The following ACAD8 variants were observed in gnomAD, a reference collection of about 807,000 sequenced individuals.
ACAD8 encodes the protein isobutyryl-CoA dehydrogenase, mitochondrial.
In ACAD8, 47 loss-of-function variants were observed where a neutral mutation model predicts 53.1. The observed-to-expected ratio is 0.89, with a 90% CI of 0.70 to 1.13. The LOEUF is 1.13. ACAD8 is among the 50% of genes most tolerant of loss of function. The pLI is 0.00. For synonymous variants in ACAD8, 198 were observed against 201.3 expected (o/e 0.98, Z 0.14); for missense variants, 494 against 535.0 (o/e 0.92, Z 0.76).
Position 134,261,667 on chromosome 11 carries a change from C to G in ACAD8, c.940-71C>G, listed in dbSNP as rs773514184. On this transcript the variant is annotated intron_variant, in intron 8 of 10. Transcript: ENST00000281182. The surrounding 1 kb of genome is among the most constrained non-coding windows in gnomAD (Gnocchi z 4.2). Reference sequence around the variant, plus strand: ...GAAAAGGCGCCTCCGAGATGTCTTACCGAGGCTCCTGCACCAGGTGCTGGT... The same window carrying G: ...GAAAAGGCGCCTCCGAGATGTCTTAGCGAGGCTCCTGCACCAGGTGCTGGT... 4 of 1,605,838 alleles carry G rather than the reference C, an allele frequency of 2.5e-6. No individual in the cohort carries two copies. The highest frequency in any genetic ancestry group is 3.4e-6 in the Non-Finnish European group (4 of 1,179,546).
chr11:134,262,496 C>T lies in ACAD8; in HGVS notation c.1093-24C>T, dbSNP rs375799558. On this transcript the variant is annotated intron_variant, in intron 9 of 10. Transcript: ENST00000281182. ...TCCACAGTCTTCCCAGAGTCCAAGA[C>T]GTCTAGTCCCTGTCTCCCTGCAGAT... 365 of 1,541,806 alleles carry T rather than the reference C, an allele frequency of 2.4e-4. No individual in the cohort carries two copies. Among genetic ancestry groups the T allele is most frequent in the Non-Finnish European group, 1.3e-4 (142 of 1,116,512 alleles).
chr11:134,262,280 A>G (rs1395473126), intron 9 of ACAD8: 12 of 658,780 alleles, frequency 1.8e-5, no homozygotes, highest in Non-Finnish European at 3.1e-5. Context: ...CTGGCAGGTA[A>G]TAAGGGAGAG....
At position 134,265,748 on chromosome 11, in the gene ACAD8, C is replaced by G. The variant is rs1182853178; in HGVS notation, c.*788C>G. 6.6e-6 allele frequency: 1 copy of G among 152,156 alleles called. No homozygotes were observed. Among genetic ancestry groups the G allele is most frequent in the East Asian group, 1.9e-4 (1 of 5,204 alleles). The allele number at this position is 152,156 out of a possible 1,614,324, so 9.4% of individuals were successfully genotyped here. ...TGATAAAATCTATCCTTCACCACCTCTGGTTCTACTATAGTTGATTTTTAT... is the reference window on the plus strand; with the variant it reads ...TGATAAAATCTATCCTTCACCACCTGTGGTTCTACTATAGTTGATTTTTAT... On this transcript the variant is annotated 3_prime_UTR_variant, in exon 11 of 11. Transcript: ENST00000281182.
intron 10 of ACAD8, chr11:134,264,157 C>T: frequency 1.6e-6 from 1 of 614,306 alleles, no homozygotes; most frequent in Non-Finnish European, 2.0e-6. Flanking sequence ...CCAGCTTGGC[C>T]AACCCGGTGA....
Position 134,264,954 on chromosome 11 carries a change from G to A in ACAD8, c.1242G>A (p.Gln414=). 6.2e-7 allele frequency: 1 copy of A among 1,614,200 alleles called. No individual in the cohort carries two copies. The highest frequency in any genetic ancestry group is 8.5e-7 in the Non-Finnish European group (1 of 1,180,012). The change falls in exon 11 of 11, where the codon CAG becomes CAA. Residue 414 remains glutamine, a synonymous_variant. Coordinates refer to ENST00000281182, the MANE Select transcript of ACAD8 (RefSeq NM_014384.3). ...TACTGATCTCTAGAAGCCTGCTTCA[G>A]GAGTAGAACCCACACTTGTTCTGGC... is the stretch of plus-strand genomic sequence containing the variant. ...MRILISRSLL[Q]E is the part of the protein sequence containing the mutation.
Position 134,259,631 on chromosome 11 carries a change from G to A in ACAD8, c.591G>A (p.Glu197=). The stretch of plus-strand genomic sequence containing the variant: ...AGGCCTTCATCAGTGGTGCTGGTGA[G>A]TCAGACATCTATGTGGTCATGTGCC... ...GSKAFISGAG[E]SDIYVVMCRT... is the part of the protein sequence containing the mutation. The change falls in exon 6 of 11, where the codon GAG becomes GAA. Residue 197 remains glutamate (E), a synonymous_variant. Transcript: ENST00000281182. 1 of 1,614,220 alleles carries A rather than the reference G, an allele frequency of 6.2e-7. No homozygotes were observed. Among genetic ancestry groups the A allele is most frequent in the South Asian group, 1.1e-5 (1 of 91,086 alleles).
At position 134,261,305 on chromosome 11, in the gene ACAD8, C is replaced by G; in HGVS notation, c.872C>G (p.Ser291Cys). 1 of 1,614,204 alleles carries G rather than the reference C, an allele frequency of 6.2e-7. No individual in the cohort carries two copies. The highest frequency in any genetic ancestry group is 8.5e-7 in the Non-Finnish European group (1 of 1,180,044). ...TGCTCCCTGGGGGCTGCCCACGCCT[C>G]TGTCATCCTCACCCGAGACCACCTC... ...ASCSLGAAHA[S>C]VILTRDHLNV... Residue 291 changes from serine (S) to cysteine (C), a missense_variant, in exon 8 of 11, where the codon TCT (serine) becomes TGT (cysteine). Physicochemically the swap from Ser to Cys is moderately radical, Grantham distance 112 (BLOSUM62 -1). Transcript: ENST00000281182. This position sits in a 1 kb window ranked among gnomAD's most constrained non-coding sequence, Gnocchi z 4.2.
At chr11:134,264,035 T>C (rs1367013128) in intron 10 of ACAD8, 1 of 985,152 alleles carries the variant, frequency 1.0e-6, no homozygotes, top group Non-Finnish European at 1.2e-6. Context: ...GTATTTATTG[T>C]TGAAACCTTA....
intron 3 of ACAD8, 119 bp from the exon 4 acceptor site, chr11:134,258,396 C>T (rs997267059): frequency 1.4e-5 from 10 of 729,942 alleles, no homozygotes; most frequent in Non-Finnish European, 2.2e-5. Flanking sequence ...TCTCCCCTTC[C>T]CACTCTTCTG....
At chr11:134,263,503 C>T in intron 10 of ACAD8, 4 of 985,590 alleles carry the variant, frequency 4.1e-6, no homozygotes, top group Non-Finnish European at 3.6e-6. Flanking sequence ...CTGAGAACCA[C>T]ACTTTGAGAC....
At position 134,261,214 on chromosome 11, in the gene ACAD8, G is replaced by A. The variant is rs973890269; in HGVS notation, c.841+35G>A. ...GCAGGGGTGTGGCAGGGAGGTAGCG[G>A]TCCGGGACAGGCACTGCTGTTTTCC... On this transcript the variant is annotated intron_variant, in intron 7 of 10. Transcript: ENST00000281182. The surrounding 1 kb of genome is among the most constrained non-coding windows in gnomAD (Gnocchi z 4.2). The A allele has an allele frequency of 3.2e-5, 52 of 1,613,926 alleles. No homozygotes were observed. The highest frequency in any genetic ancestry group is 4.3e-5 in the Non-Finnish European group (51 of 1,179,998).
At chr11:134,256,914 C>T in intron 2 of ACAD8, 174 bp from the exon 3 acceptor site, 1 of 720,726 alleles carries the variant, frequency 1.4e-6, no homozygotes, top group Non-Finnish European at 2.3e-6. Context: ...AATGCCAGAA[C>T]AAGTTTTTAC....
intron 6 of ACAD8, 159 bp downstream of exon 6, chr11:134,259,904 A>C: frequency 6.7e-7 from 1 of 1,486,544 alleles, no homozygotes; most frequent in South Asian, 1.2e-5. Flanking sequence ...TATGAAATAC[A>C]ACAGGGCATT....
Position 134,262,087 on chromosome 11 carries a change from C to A in ACAD8, c.1092+197C>A. 6 of 702,076 alleles carry A rather than the reference C, an allele frequency of 8.5e-6. No individual in the cohort carries two copies. The South Asian group carries it at 9.1e-5, about 11-fold the overall frequency. The allele number at this position is 702,076 out of a possible 1,614,324, so 43.5% of individuals were successfully genotyped here. A position where few individuals can be genotyped will look rare whatever the true frequency, so the allele number is the denominator to read the frequency against. Reference sequence around the variant, plus strand: ...CGCTGGCTTTTAGGCCTGCTGCATGCCATTATACACTTCATTATGTCACTG... The same window carrying A: ...CGCTGGCTTTTAGGCCTGCTGCATGACATTATACACTTCATTATGTCACTG... On this transcript the variant is annotated intron_variant, in intron 9 of 10. Transcript: ENST00000281182.
At chr11:134,260,801 TAGTC>T (rs1441795487) in intron 6 of ACAD8, 2 of 540,604 alleles carry the variant, frequency 3.7e-6, no homozygotes, top group Non-Finnish European at 6.6e-6. Context: ...GTTTGTAGGT[TAGTC>T]AGGTAGAGTA....
Position 134,261,986 on chromosome 11 carries a change from C to T in ACAD8, c.1092+96C>T. 1 of 1,402,798 alleles carries T rather than the reference C, an allele frequency of 7.1e-7. No homozygotes were observed. The highest frequency in any genetic ancestry group is 9.9e-7 in the Non-Finnish European group (1 of 1,010,680). The allele number at this position is 1,402,798 out of a possible 1,614,324, so 86.9% of individuals were successfully genotyped here. The stretch of plus-strand genomic sequence containing the variant: ...TGAGTCAGATTTGGAACCCAGCCCT[C>T]CTGGAATCCCACAAGGATCACCTTA... On this transcript the variant is annotated intron_variant, in intron 9 of 10. Transcript: ENST00000281182. The surrounding 1 kb of genome is among the most constrained non-coding windows in gnomAD (Gnocchi z 4.2).
intron 6 of ACAD8, chr11:134,260,057 C>G (rs567147677): frequency 8.2e-7 from 1 of 1,220,842 alleles, no homozygotes; most frequent in African/African-American, 1.6e-5. Flanking sequence ...TTTGTTGCTC[C>G]AGGAAGAGAC....
At position 134,259,701 on chromosome 11, in the gene ACAD8, G is replaced by A; in HGVS notation, c.661G>A (p.Glu221Lys). Residue 221 changes from glutamate (E) to lysine (K), a missense_variant, in exon 6 of 11, where the codon GAG (glutamate) becomes AAG (lysine). Glu to Lys is a moderately conservative substitution (Grantham distance 56). Coordinates refer to ENST00000281182, the MANE Select transcript of ACAD8 (RefSeq NM_014384.3). ...GPKGISCIVV[E>K]KGTPGLSFGK... ...CAAGGGCATCTCATGCATAGTTGTT[G>A]AGAAGGGGACCCCTGGCCTCAGCTT... is the stretch of plus-strand genomic sequence containing the variant. 1 of 1,614,212 alleles carries A rather than the reference G, an allele frequency of 6.2e-7. No homozygotes were observed. The highest frequency in any genetic ancestry group is 8.5e-7 in the Non-Finnish European group (1 of 1,180,038).
At chr11:134,257,650 C>G (rs946453955) in intron 3 of ACAD8, 4 of 303,006 alleles carry the variant, frequency 1.3e-5, no homozygotes, top group African/African-American at 8.7e-5. Context: ...CCAGCCTGGG[C>G]GACAGAGCGA....
Sources: gnomAD v4.1 joint callset for allele counts on GRCh38, gnomAD v4.1.1 for gene constraint, Gnocchi (gnomAD v3.1) non-coding constraint, MANE v1.5 for transcripts, NCBI Gene and HGNC (gene_info 2026-07-23, HGNC 2026-07-21) for gene names.